The following CD247 variants were observed in gnomAD, a reference collection of about 807,000 sequenced individuals.
CD247 encodes the protein T-cell surface glycoprotein CD3 zeta chain.
Under a neutral mutation model 30.0 loss-of-function variants are expected in CD247, and 13 were observed. That is an observed-to-expected ratio of 0.43 (90% confidence interval 0.28 to 0.69). CD247 has a LOEUF of 0.69. Ranked by LOEUF, CD247 falls within the 30% of genes least tolerant of loss-of-function variation. The probability of loss-of-function intolerance (pLI) is 0.16; values close to 1 mark genes in which losing one functional copy is unlikely to be tolerated. For missense variants in CD247, 193 were observed against 212.6 expected (o/e 0.91, Z 0.57); for synonymous variants, 72 against 80.0 (o/e 0.90, Z 0.53).
At chr1:167,447,749 G>C (rs138998415) in intron 1 of CD247, among the ~76,000 whole-genome samples, 1 of 152,242 alleles carries the variant, frequency 6.6e-6, no homozygotes, top group African/African-American at 2.4e-5. Context: ...GGCACTGATG[G>C]AATCAATATG....
At chr1:167,476,177 T>C (rs1653737054) in intron 1 of CD247, among the ~76,000 whole-genome samples, 1 of 152,176 alleles carries the variant, frequency 6.6e-6, no homozygotes, top group African/African-American at 2.4e-5. Flanking sequence ...CGCTATAACA[T>C]TATGGGTTGA....
In CD247 at chr1:167,488,623, G is replaced by C. The variant is rs374474978; in HGVS notation, c.58+29785C>G. On this transcript the variant is annotated intron_variant, in intron 1 of 7. Transcript: ENST00000362089. ...GGTTGATGGTTGTGCTCAACTAACT[G>C]GGCAGAGTTCTTTGCTAAACCTGGA... Among the ~76,000 whole-genome samples the C allele has an allele frequency of 1.6e-4, 25 of 152,304 alleles. 1 individual carries two copies. The highest frequency in any genetic ancestry group is 5.8e-4 in the African/African-American group (24 of 41,554).
At chr1:167,476,440 G>A (rs1653750415) in intron 1 of CD247, among the ~76,000 whole-genome samples, 1 of 152,162 alleles carries the variant, frequency 6.6e-6, no homozygotes, top group Non-Finnish European at 1.5e-5. Flanking sequence ...TAGGACCAAT[G>A]ATTCTTAATT....
At chr1:167,466,909 A>G (rs1049519894) in intron 1 of CD247, among the ~76,000 whole-genome samples, 28 of 150,550 alleles carry the variant, frequency 1.9e-4, no homozygotes, top group Admixed American at 4.0e-4. Flanking sequence ...GCGCAATCTC[A>G]GCTCACTGCA....
At chr1:167,486,799 T>C (rs1212022619) in intron 1 of CD247, among the ~76,000 whole-genome samples, 1 of 152,212 alleles carries the variant, frequency 6.6e-6, no homozygotes, top group Non-Finnish European at 1.5e-5. Flanking sequence ...TGGGTGGGCA[T>C]GGTGGCTCGT....
At chr1:167,457,405 A>G (rs1214597) in intron 1 of CD247, 151,400 of 152,462 alleles carry the variant, frequency 0.99, 75,186 homozygotes, top group Middle Eastern at 1. Context: ...GAACAAGGAC[A>G]CATTGCAGCC....
At chr1:167,433,616 T>C (rs1433552758) in intron 6 of CD247, among the ~76,000 whole-genome samples, 1 of 151,988 alleles carries the variant, frequency 6.6e-6, no homozygotes, top group East Asian at 1.9e-4. Flanking sequence ...TCTCACCATT[T>C]TGAAATTCTT....
At chr1:167,444,457 A>G (rs1651977189) in intron 1 of CD247, among the ~76,000 whole-genome samples, 1 of 152,114 alleles carries the variant, frequency 6.6e-6, no homozygotes, top group African/African-American at 2.4e-5. Context: ...CTTTTCTGTA[A>G]AAGTGGAGAA....
At chr1:167,460,500 CCT>C (rs1308154881) in intron 1 of CD247, among the ~76,000 whole-genome samples, 15 of 152,188 alleles carry the variant, frequency 9.9e-5, no homozygotes, top group African/African-American at 3.6e-4. Context: ...AAAAATCTGC[CCT>C]GTGTGCCAAA....
chr1:167,440,842 T>A, intron 1 of CD247, 75 bp from the exon 2 acceptor site: 1 of 875,384 alleles, frequency 1.1e-6, no homozygotes, highest in Non-Finnish European at 1.9e-6. Flanking sequence ...AGGGTGGCAC[T>A]AGGACTGACT....
chr1:167,503,537 TAAAC>T (rs981837017), intron 1 of CD247, among the ~76,000 whole-genome samples: 2 of 152,236 alleles, frequency 1.3e-5, no homozygotes, highest in Non-Finnish European at 2.9e-5. Context: ...GTCCTGCACT[TAAAC>T]AACAACAAAC....
chr1:167,465,327 C>CTTTTCT (rs1653193503), intron 1 of CD247, among the ~76,000 whole-genome samples: 2 of 115,344 alleles, frequency 1.7e-5, no homozygotes, highest in African/African-American at 6.7e-5. Flanking sequence ...TTTTCTTTTT[C>CTTTTCT]TTTTTTTTTT....
At chr1:167,445,770 C>A (rs1204678179) in intron 1 of CD247, among the ~76,000 whole-genome samples, 1 of 152,172 alleles carries the variant, frequency 6.6e-6, no homozygotes, top group Non-Finnish European at 1.5e-5. Context: ...TCCTGCCATA[C>A]CCTGAGGCTG....
intron 1 of CD247, among the ~76,000 whole-genome samples, chr1:167,506,662 G>T (rs994898020): frequency 2.0e-5 from 3 of 151,944 alleles, no homozygotes; most frequent in Non-Finnish European, 4.4e-5. Context: ...GCCTAATCAC[G>T]ATATTGCCAC....
chr1:167,455,515 C>G (rs1344690706), intron 1 of CD247, among the ~76,000 whole-genome samples: 3 of 152,226 alleles, frequency 2.0e-5, no homozygotes, highest in Non-Finnish European at 4.4e-5. Flanking sequence ...CCCGTGTTGC[C>G]GCCAGCCGCG....
At chr1:167,441,225 A>G (rs988928863) in intron 1 of CD247, among the ~76,000 whole-genome samples, 5 of 152,348 alleles carry the variant, frequency 3.3e-5, no homozygotes, top group Admixed American at 2.0e-4. Flanking sequence ...ATGATGGTCA[A>G]ATGAGATCAT....
chr1:167,435,631 C>CACAAGTACACAAGTACACATGG (rs1651510548), intron 4 of CD247, among the ~76,000 whole-genome samples, 197 bp from the exon 5 acceptor site: 2 of 152,238 alleles, frequency 1.3e-5, no homozygotes, highest in African/African-American at 4.8e-5. Context: ...TACTTGGTTA[C>CACAAGTACACAAGTACACATGG]CTGCAACTGG....
At chr1:167,457,246 T>C (rs1652727726) in intron 1 of CD247, 1 of 152,246 alleles carries the variant, frequency 6.6e-6, no homozygotes, top group South Asian at 2.1e-4. Flanking sequence ...AGACTCTAAG[T>C]GGTTTGCTCA....
chr1:167,477,514 T>G (rs546921818), intron 1 of CD247, among the ~76,000 whole-genome samples: 1 of 152,038 alleles, frequency 6.6e-6, no homozygotes, highest in Non-Finnish European at 1.5e-5. Flanking sequence ...GGCTGTGAAG[T>G]GTTTTTTGTT....
Sources: allele counts gnomAD v4.1 joint callset (sites outside exome capture counted in the v4.1 genomes callset), GRCh38; gene constraint gnomAD v4.1.1; transcripts MANE v1.5; gene names NCBI Gene and HGNC (gene_info 2026-07-23, HGNC 2026-07-21).